CSMD1: variants seen among roughly 807,000 people sequenced by gnomAD.
The protein encoded by CSMD1 is CUB and sushi domain-containing protein 1.
Under a neutral mutation model 417.5 loss-of-function variants are expected in CSMD1, and 213 were observed. The observed-to-expected ratio is 0.51, with a 90% confidence interval of 0.46 to 0.57. CSMD1 has a LOEUF of 0.57. CSMD1 is among the 20% of genes least tolerant of loss of function. The pLI is 0.00. For missense variants in CSMD1, 6,923 were observed against 4,529.7 expected (o/e 1.53, Z -15.17); for synonymous variants, 2,862 against 1,736.8 (o/e 1.65, Z -16.11).
intron 2 of CSMD1, among the ~76,000 whole-genome samples, chr8:4,512,428 G>T (rs1270037961): frequency 6.6e-6 from 1 of 152,050 alleles, no homozygotes. Context: ...CGTAGCTAAT[G>T]CAATAAAGCA....
At chr8:4,369,273 C>CG (rs1447119439) in intron 3 of CSMD1, among the ~76,000 whole-genome samples, 1 of 151,946 alleles carries the variant, frequency 6.6e-6, no homozygotes. Context: ...CTTTCTGATA[C>CG]GACTTCATTT....
chr8:3,985,059 G>C (rs143852462), intron 5 of CSMD1, among the ~76,000 whole-genome samples: 114 of 152,096 alleles, frequency 7.5e-4, no homozygotes, highest in African/African-American at 2.7e-3. Context: ...CATGTTCTTA[G>C]CTTTCAAAAA....
intron 10 of CSMD1, among the ~76,000 whole-genome samples, chr8:3,545,076 T>C (rs2116733560): frequency 6.6e-6 from 1 of 152,310 alleles, no homozygotes; most frequent in African/African-American, 2.4e-5. Flanking sequence ...AACTTTTCCA[T>C]GACCTTAACA....
chr8:4,798,976 C>G lies in CSMD1; in HGVS notation c.86-161418G>C, dbSNP rs1318261368. Among the ~76,000 whole-genome samples, 3 of 152,198 alleles carry G rather than the reference C, an allele frequency of 2.0e-5. No individual in the cohort carries two copies. In the East Asian group the frequency reaches 5.8e-4, roughly 29 times the overall value. On this transcript the variant is annotated intron_variant, in intron 1 of 69. Coordinates refer to ENST00000635120, the MANE Select transcript of CSMD1 (RefSeq NM_033225.6). The stretch of plus-strand genomic sequence containing the variant: ...CAAATTCACTCTCCATGCTTCTGCA[C>G]GCCCACATCCTCCTTCCTCAACTCC...
chr8:4,729,856 CT>C (rs1402255153), intron 1 of CSMD1, among the ~76,000 whole-genome samples: 2 of 152,184 alleles, frequency 1.3e-5, no homozygotes, highest in African/African-American at 2.4e-5. Context: ...AAGTCCTAAT[CT>C]TTCTTTTGAA....
chr8:4,544,688 G>A (rs762458043), intron 2 of CSMD1, among the ~76,000 whole-genome samples: 15 of 152,192 alleles, frequency 9.9e-5, no homozygotes, highest in Non-Finnish European at 1.5e-4. Flanking sequence ...AAGCCAGGGT[G>A]TATTACAATG....
chr8:4,461,745 T>TA (rs984938511), intron 2 of CSMD1, among the ~76,000 whole-genome samples: 7 of 132,120 alleles, frequency 5.3e-5, no homozygotes, highest in Admixed American at 8.1e-5. Context: ...TTACTTATTT[T>TA]TTTTTTTTTT....
At chr8:4,135,906 T>C (rs1803402953) in intron 3 of CSMD1, among the ~76,000 whole-genome samples, 1 of 152,214 alleles carries the variant, frequency 6.6e-6, no homozygotes, top group Non-Finnish European at 1.5e-5. Flanking sequence ...GGATGTTTTA[T>C]TTAGCATATG....
intron 3 of CSMD1, among the ~76,000 whole-genome samples, chr8:4,115,637 T>C (rs1308752687): frequency 6.6e-6 from 1 of 152,182 alleles, no homozygotes; most frequent in South Asian, 2.1e-4. Context: ...CTTACCTGAA[T>C]GTTTATATGT....
intron 3 of CSMD1, among the ~76,000 whole-genome samples, chr8:4,396,616 TACACACACAC>T (rs143703195): frequency 3.4e-5 from 5 of 148,678 alleles, no homozygotes; most frequent in African/African-American, 7.4e-5. Context: ...GAAAATGTGA[TACACACACAC>T]ACACACACAC....
intron 50 of CSMD1, among the ~76,000 whole-genome samples, chr8:3,038,901 A>T (rs970215973): frequency 3.3e-5 from 5 of 152,210 alleles, no homozygotes; most frequent in African/African-American, 4.8e-5. Flanking sequence ...AAACTTCATC[A>T]TGGAGACAAG....
chr8:4,259,170 G>C (rs1291077487), intron 3 of CSMD1, among the ~76,000 whole-genome samples: 1 of 152,148 alleles, frequency 6.6e-6, no homozygotes, highest in Non-Finnish European at 1.5e-5. Flanking sequence ...ACGAAGCTAA[G>C]GGCCATGCAC....
intron 4 of CSMD1, among the ~76,000 whole-genome samples, chr8:4,011,388 C>G (rs759596895): frequency 2.0e-5 from 3 of 152,216 alleles, no homozygotes; most frequent in Non-Finnish European, 4.4e-5. Context: ...TGCTTCCAGA[C>G]TCCACATTCC....
chr8:3,381,346 T>C (rs368765662), intron 18 of CSMD1, among the ~76,000 whole-genome samples: 1 of 152,078 alleles, frequency 6.6e-6, no homozygotes, highest in Admixed American at 6.5e-5. Flanking sequence ...TTAACAAAAA[T>C]AAATTATTAA....
intron 3 of CSMD1, among the ~76,000 whole-genome samples, chr8:4,231,610 A>C (rs11992223): frequency 0.48 from 72,338 of 152,006 alleles, 18,484 homozygotes; most frequent in Non-Finnish European, 0.58. Context: ...TCCCCCAACA[A>C]ATGTTGAGTC....
chr8:3,792,513 G>A (rs566466859), intron 5 of CSMD1, among the ~76,000 whole-genome samples: 4 of 152,222 alleles, frequency 2.6e-5, no homozygotes, highest in African/African-American at 9.6e-5. Flanking sequence ...GCTGATTACT[G>A]TCAATTATCT....
At chr8:3,278,331 A>G (rs181941843) in intron 26 of CSMD1, 1 of 152,336 alleles carries the variant, frequency 6.6e-6, no homozygotes, top group African/African-American at 2.4e-5. Flanking sequence ...TAGTAATTCA[A>G]ATGTGTCCAA....
Position 3,019,043 on chromosome 8 carries a change from G to A in CSMD1, c.7856-393C>T, listed in dbSNP as rs377686032. 3.4e-4 allele frequency among the ~76,000 whole-genome samples: 51 copies of A among 152,094 alleles called. 1 individual carries two copies. The highest frequency in any genetic ancestry group is 1.2e-3 in the East Asian group (6 of 5,164). On this transcript the variant is annotated intron_variant, in intron 51 of 69. Transcript: ENST00000635120. ...AGTGATTCTCCTCCCTCAGCCTCCC[G>A]AGTAGCTGCGATTAAAGGCGCCTGC...
chr8:3,933,583 G>A (rs902362973), intron 5 of CSMD1, among the ~76,000 whole-genome samples: 6 of 152,144 alleles, frequency 3.9e-5, no homozygotes, highest in Non-Finnish European at 8.8e-5. Context: ...AGAAAATATA[G>A]GAGTGTGTAG....
Sources: allele counts gnomAD v4.1 joint callset (sites outside exome capture counted in the v4.1 genomes callset), GRCh38; gene constraint gnomAD v4.1.1; transcripts MANE v1.5; gene names NCBI Gene and HGNC (gene_info 2026-07-23, HGNC 2026-07-21).